The following LNX1 variants were observed in gnomAD, a reference collection of about 807,000 sequenced individuals.
The protein encoded by LNX1 is ligand of numb-protein X 1, also known as E3 ubiquitin-protein ligase LNX.
Under a neutral mutation model 68.4 loss-of-function variants are expected in LNX1, and 54 were observed. The observed-to-expected ratio is 0.79, with a 90% CI of 0.63 to 0.99. The LOEUF (loss-of-function observed/expected upper bound fraction) is 0.99, where lower values mean the gene tolerates loss of function less well. Ranked by LOEUF, LNX1 falls within the 50% of genes least tolerant of loss-of-function variation. The probability of loss-of-function intolerance (pLI) is 0.00; values close to 1 mark genes in which losing one functional copy is unlikely to be tolerated. For missense variants in LNX1, 906 were observed against 926.4 expected, an observed-to-expected ratio of 0.98 and a Z score of 0.29; for synonymous variants, 336 against 350.0, an observed-to-expected ratio of 0.96 and a Z score of 0.45.
intron 2 of LNX1, among the ~76,000 whole-genome samples, chr4:53,544,445 C>T (rs932436420): frequency 2.6e-5 from 4 of 151,958 alleles, no homozygotes; most frequent in Non-Finnish European, 2.9e-5. Context: ...TCCACCCCTT[C>T]GGCCTCCCAA....
At chr4:53,639,372 T>C (rs1303425019) in intron 1 of LNX1, among the ~76,000 whole-genome samples, 1 of 152,076 alleles carries the variant, frequency 6.6e-6, no homozygotes, top group Admixed American at 6.6e-5. Flanking sequence ...GAAAAACTAT[T>C]GGGTGCTATG....
At chr4:53,508,603 A>G (rs186430426) in intron 2 of LNX1, among the ~76,000 whole-genome samples, 21 of 152,332 alleles carry the variant, frequency 1.4e-4, no homozygotes, top group African/African-American at 4.6e-4. Context: ...GAAAGCCCTT[A>G]GTCACACCCT....
chr4:53,566,748 AAACCCATCT>A (rs1447275340), intron 2 of LNX1, among the ~76,000 whole-genome samples: 1 of 151,592 alleles, frequency 6.6e-6, no homozygotes, highest in Non-Finnish European at 1.5e-5. Flanking sequence ...TGTATTCAGG[AAACCCATCT>A]CATGTGCAGA....
At chr4:53,489,126 T>C (rs1369731830) in intron 6 of LNX1, among the ~76,000 whole-genome samples, 1 of 152,176 alleles carries the variant, frequency 6.6e-6, no homozygotes, top group Non-Finnish European at 1.5e-5. Context: ...TGATATATTA[T>C]TAAAAAGTTT....
intron 1 of LNX1, among the ~76,000 whole-genome samples, chr4:53,647,630 T>G (rs746748455): frequency 6.6e-6 from 1 of 152,232 alleles, no homozygotes; most frequent in Non-Finnish European, 1.5e-5. Context: ...AACATGAAAC[T>G]TGCCATCTTA....
chr4:53,468,608 G>A (rs1334715499), intron 9 of LNX1, among the ~76,000 whole-genome samples: 1 of 152,164 alleles, frequency 6.6e-6, no homozygotes, highest in Non-Finnish European at 1.5e-5. Context: ...CTCAAGTGCA[G>A]AGACACACAT....
chr4:53,642,161 G>A (rs775050448), intron 1 of LNX1, among the ~76,000 whole-genome samples: 2 of 149,274 alleles, frequency 1.3e-5, no homozygotes, highest in Non-Finnish European at 2.9e-5. Context: ...GGTTGAGGCT[G>A]CAGTGAGCCA....
At chr4:53,607,099 C>A (rs1248502605) in intron 2 of LNX1, among the ~76,000 whole-genome samples, 1 of 152,118 alleles carries the variant, frequency 6.6e-6, no homozygotes, top group Admixed American at 6.6e-5. Context: ...TACTGGAAGT[C>A]CTGGCTAGAG....
chr4:53,607,862 G>A (rs1733295599), intron 2 of LNX1, among the ~76,000 whole-genome samples: 1 of 152,116 alleles, frequency 6.6e-6, no homozygotes, highest in Admixed American at 6.6e-5. Flanking sequence ...AACAAGCAAT[G>A]GGGAAAGGAC....
chr4:53,568,834 G>A (rs1396380438), intron 2 of LNX1, among the ~76,000 whole-genome samples: 1 of 152,128 alleles, frequency 6.6e-6, no homozygotes, highest in Non-Finnish European at 1.5e-5. Flanking sequence ...CAAAATCAAT[G>A]TGCAAAAATC....
At position 53,644,052 on chromosome 4, in the gene LNX1, C is replaced by T. The variant is rs370366722; in HGVS notation, c.-215+8116G>A. ...TCCCTGCTCCTCAAAAGCAAAACCC[C>T]GTGGGTAGACTGCACTTACTATGTT... On this transcript the variant is annotated intron_variant, in intron 1 of 2. Transcript: ENST00000507168. Among the ~76,000 whole-genome samples the T allele has an allele frequency of 1.1e-4, 16 of 152,114 alleles. No individual in the cohort carries two copies. The East Asian group carries it at 2.3e-3, about 22-fold the overall frequency.
upstream of LNX1, among the ~76,000 whole-genome samples, chr4:53,596,310 T>G (rs1359394684): frequency 6.6e-6 from 1 of 152,198 alleles, no homozygotes; most frequent in Non-Finnish European, 1.5e-5. Context: ...ACCTACAGTT[T>G]AGGAGGAAAC....
At chr4:53,573,600 C>T (rs201956700) in intron 2 of LNX1, 23 bp downstream of exon 2, 38 of 1,569,744 alleles carry the variant, frequency 2.4e-5, no homozygotes, top group South Asian at 1.2e-4. Flanking sequence ...TGGGACTTAC[C>T]GGCTCGCTGA....
intron 2 of LNX1, among the ~76,000 whole-genome samples, chr4:53,550,610 G>A (rs1182036409): frequency 1.3e-5 from 2 of 152,336 alleles, no homozygotes; most frequent in East Asian, 3.9e-4. Flanking sequence ...GGGAGGAAAT[G>A]GATGCTAAGG....
intron 1 of LNX1, among the ~76,000 whole-genome samples, chr4:53,629,146 C>T (rs543410675): frequency 3.7e-4 from 56 of 152,258 alleles, no homozygotes; most frequent in Non-Finnish European, 7.2e-4. Context: ...GAAAAACAGA[C>T]CACAAACAAA....
chr4:53,629,395 C>A (rs552142344), intron 1 of LNX1, among the ~76,000 whole-genome samples: 2 of 152,278 alleles, frequency 1.3e-5, no homozygotes, highest in South Asian at 2.1e-4. Context: ...AAGAGGCAGA[C>A]TTGCAGTGCT....
chr4:53,578,838 A>T (rs1285792417), intron 1 of LNX1, among the ~76,000 whole-genome samples: 4 of 152,214 alleles, frequency 2.6e-5, no homozygotes, highest in Admixed American at 2.0e-4. Context: ...GACTAAATAA[A>T]GCCTACATGA....
chr4:53,573,595 C>T (rs1731299682), intron 2 of LNX1, 28 bp downstream of exon 2: 2 of 1,555,010 alleles, frequency 1.3e-6, no homozygotes, highest in Non-Finnish European at 8.8e-7. Flanking sequence ...GGGGGTGGGA[C>T]TTACCGGCTC....
chr4:53,481,691 G>T, intron 7 of LNX1, 29 bp downstream of exon 7: 1 of 1,601,932 alleles, frequency 6.2e-7, no homozygotes. Flanking sequence ...CCCCTTGCAG[G>T]AGCAGGCGAC....
Sources: gnomAD v4.1 joint callset for allele counts (sites outside exome capture counted in the v4.1 genomes callset) on GRCh38, gnomAD v4.1.1 for gene constraint, MANE v1.5 for transcripts, NCBI Gene and HGNC (gene_info 2026-07-23, HGNC 2026-07-21) for gene names.